OSBPL10: variants seen among roughly 807,000 people sequenced by gnomAD.
OSBPL10 encodes oxysterol-binding protein-related protein 10.
Under a neutral mutation model 81.7 loss-of-function variants are expected in OSBPL10, and 49 were observed. The observed-to-expected ratio is 0.60, with a 90% CI of 0.48 to 0.76. The LOEUF (loss-of-function observed/expected upper bound fraction) is 0.76, where lower values mean the gene tolerates loss of function less well. Ranked by LOEUF, OSBPL10 falls within the 30% of genes least tolerant of loss-of-function variation. OSBPL10 has a pLI of 0.00. For missense variants in OSBPL10, 923 were observed against 987.8 expected (o/e 0.93, Z 0.88); for synonymous variants, 419 against 383.6 (o/e 1.09, Z -1.08).
chr3:31,809,847 T>C lies in OSBPL10; in HGVS notation c.729+20193A>G, dbSNP rs545735263. Among the ~76,000 whole-genome samples, 54 of 147,118 alleles carry C rather than the reference T, an allele frequency of 3.7e-4. 1 individual carries two copies. The highest frequency in any genetic ancestry group is 3.1e-3 in the Admixed American group (46 of 14,808). ...GGAAAACTAGACCAGCCCAAGAAAA[T>C]GTCAATGGGTGCCCCCTGACTCTTT... is the stretch of plus-strand genomic sequence containing the variant. On this transcript the variant is annotated intron_variant, in intron 4 of 11. Transcript: ENST00000396556.
intron 1 of OSBPL10, among the ~76,000 whole-genome samples, chr3:31,943,136 T>G (rs1431230733): frequency 6.6e-6 from 1 of 152,246 alleles, no homozygotes; most frequent in East Asian, 1.9e-4. Context: ...TTATTTGACT[T>G]CTTAGCATAA....
intron 8 of OSBPL10, among the ~76,000 whole-genome samples, chr3:31,678,297 CAGGGAAGCAG>C (rs1700540455): frequency 6.6e-6 from 1 of 152,122 alleles, no homozygotes; most frequent in Admixed American, 6.5e-5. Flanking sequence ...GACAAGGGTG[CAGGGAAGCAG>C]AGGGAAGAAG....
intron 11 of OSBPL10, chr3:31,662,420 A>G: frequency 8.9e-7 from 1 of 1,125,328 alleles, no homozygotes; most frequent in African/African-American, 1.6e-5. Flanking sequence ...TGACAGTGGG[A>G]CAAGAGAAAA....
At chr3:31,726,507 G>A (rs1288259628) in intron 6 of OSBPL10, among the ~76,000 whole-genome samples, 1 of 151,658 alleles carries the variant, frequency 6.6e-6, no homozygotes, top group Non-Finnish European at 1.5e-5. Context: ...AGTAGAAACA[G>A]GTTTCACCAT....
At chr3:31,741,200 T>C (rs541172097) in intron 5 of OSBPL10, among the ~76,000 whole-genome samples, 2 of 152,346 alleles carry the variant, frequency 1.3e-5, no homozygotes, top group African/African-American at 4.8e-5. Flanking sequence ...AAGATTGAAT[T>C]TTCACTTGAA....
Position 32,061,155 on chromosome 3 carries a change from A to G in OSBPL10, n.186-14552T>C, listed in dbSNP as rs1473556306. 4.4e-5 allele frequency among the ~76,000 whole-genome samples: 4 copies of G among 90,686 alleles called. 2 individuals are homozygous for G. In the East Asian group the frequency reaches 1.0e-3, roughly 23 times the overall value. 59.5% of individuals were successfully genotyped at this position (90,686 alleles called of 152,430 possible). A position where few individuals can be genotyped will look rare whatever the true frequency, so the allele number is the denominator to read the frequency against. Reference sequence around the variant, plus strand: ...CAGGCACTTCTTCAAGAAGTCCTCTATTGAAGCTAAACTGAGTTAGGCCCT... The same window carrying G: ...CAGGCACTTCTTCAAGAAGTCCTCTGTTGAAGCTAAACTGAGTTAGGCCCT... On this transcript the variant is annotated intron_variant and non_coding_transcript_variant, in intron 1 of 3. Transcript: ENST00000479173.
intron 1 of OSBPL10, among the ~76,000 whole-genome samples, chr3:32,070,729 C>T (rs1309039401): frequency 6.6e-6 from 1 of 152,216 alleles, no homozygotes; most frequent in African/African-American, 2.4e-5. Context: ...TGCACCTTAT[C>T]AACCAAATTG....
chr3:31,667,151 C>T (rs1433010676), intron 10 of OSBPL10, among the ~76,000 whole-genome samples: 2 of 152,226 alleles, frequency 1.3e-5, no homozygotes, highest in African/African-American at 4.8e-5. Flanking sequence ...GGATCAGAAA[C>T]AACAGTCATG....
At chr3:31,746,712 C>G (rs1697532716) in intron 5 of OSBPL10, among the ~76,000 whole-genome samples, 1 of 150,112 alleles carries the variant, frequency 6.7e-6, no homozygotes. Context: ...TCTCAGCAAA[C>G]TATCGCAAGG....
At chr3:31,920,765 G>A (rs1311909728) in intron 1 of OSBPL10, among the ~76,000 whole-genome samples, 1 of 152,122 alleles carries the variant, frequency 6.6e-6, no homozygotes, top group Non-Finnish European at 1.5e-5. Flanking sequence ...GGTGATGAGT[G>A]AGTTTTCACT....
At chr3:31,733,540 T>C in intron 5 of OSBPL10, 129 bp from the exon 6 acceptor site, 1 of 1,089,316 alleles carries the variant, frequency 9.2e-7, no homozygotes, top group Non-Finnish European at 1.4e-6. Context: ...AGAGGGCTTG[T>C]TTTGAATGAA....
intron 6 of OSBPL10, among the ~76,000 whole-genome samples, chr3:31,712,044 G>C (rs1696271960): frequency 6.6e-6 from 1 of 152,032 alleles, no homozygotes; most frequent in Non-Finnish European, 1.5e-5. Context: ...AGAGAAGGAG[G>C]GGACAGTCCA....
At chr3:32,043,118 A>C (rs1268082940) in intron 2 of OSBPL10, among the ~76,000 whole-genome samples, 1 of 152,138 alleles carries the variant, frequency 6.6e-6, no homozygotes, top group Non-Finnish European at 1.5e-5. Flanking sequence ...CCTTATCTCA[A>C]CTGCATAAGA....
chr3:31,980,806 CACACACATACACAG>C (rs1267729383), intron 1 of OSBPL10, 79 bp downstream of exon 1: 17 of 1,352,480 alleles, frequency 1.3e-5, no homozygotes, highest in African/African-American at 3.1e-5. Flanking sequence ...ATCGCGCGCG[CACACACATACACAG>C]ACACACATAC....
At chr3:32,058,330 T>C (rs760464584) in intron 1 of OSBPL10, among the ~76,000 whole-genome samples, 4 of 152,176 alleles carry the variant, frequency 2.6e-5, no homozygotes, top group Admixed American at 6.5e-5. Context: ...TGAACTATTC[T>C]GTTTTGTTTT....
intron 4 of OSBPL10, among the ~76,000 whole-genome samples, chr3:31,773,888 G>C (rs141945980): frequency 9.8e-5 from 15 of 152,340 alleles, no homozygotes; most frequent in African/African-American, 3.6e-4. Context: ...TAAAGGCCAG[G>C]CGTGGTGGCT....
chr3:31,719,181 G>A (rs994143471), intron 6 of OSBPL10, among the ~76,000 whole-genome samples: 1 of 152,140 alleles, frequency 6.6e-6, no homozygotes, highest in Non-Finnish European at 1.5e-5. Context: ...GATGTAAGGG[G>A]AATCTGACTC....
At chr3:31,832,194 T>C (rs1700262674) in intron 3 of OSBPL10, among the ~76,000 whole-genome samples, 1 of 152,218 alleles carries the variant, frequency 6.6e-6, no homozygotes, top group Non-Finnish European at 1.5e-5. Flanking sequence ...ATTTAGCTTG[T>C]TGAAAATTAT....
intron 1 of OSBPL10, among the ~76,000 whole-genome samples, chr3:31,961,471 C>G (rs141549576): frequency 1.4e-3 from 215 of 152,208 alleles, no homozygotes; most frequent in African/African-American, 5.0e-3. Context: ...CATGGGAACT[C>G]TATATTTCCA....
Sources: gnomAD v4.1 joint callset for allele counts (sites outside exome capture counted in the v4.1 genomes callset) on GRCh38, gnomAD v4.1.1 for gene constraint, MANE v1.5 for transcripts, NCBI Gene and HGNC (gene_info 2026-07-23, HGNC 2026-07-21) for gene names.